Variants in CLSTN2 observed in about 807,000 individuals in gnomAD.
CLSTN2 encodes calsyntenin-2.
Under a neutral mutation model 101.2 loss-of-function variants are expected in CLSTN2, and 48 were observed. The observed-to-expected ratio is 0.47, with a 90% CI of 0.38 to 0.60. CLSTN2 has a LOEUF of 0.60. Ranked by LOEUF, CLSTN2 falls within the 20% of genes least tolerant of loss-of-function variation. CLSTN2 has a pLI of 0.00. For missense variants in CLSTN2, 1,160 were observed against 1,238.2 expected (o/e 0.94, Z 0.95); for synonymous variants, 481 against 463.6 (o/e 1.04, Z -0.48).
At chr3:140,236,601 T>A (rs1342012181) in intron 2 of CLSTN2, among the ~76,000 whole-genome samples, 1 of 152,184 alleles carries the variant, frequency 6.6e-6, no homozygotes, top group Non-Finnish European at 1.5e-5. Context: ...CAGTTATATG[T>A]ATGTTAGGCT....
chr3:140,412,157 C>T (rs1007755140), intron 4 of CLSTN2, among the ~76,000 whole-genome samples: 5 of 152,140 alleles, frequency 3.3e-5, no homozygotes, highest in African/African-American at 9.7e-5. Context: ...CTGGGATTAA[C>T]AGCATGCGCC....
chr3:140,560,794 G>C (rs144924126), intron 12 of CLSTN2, among the ~76,000 whole-genome samples: 5 of 152,210 alleles, frequency 3.3e-5, no homozygotes, highest in Non-Finnish European at 7.4e-5. Flanking sequence ...AGGACGATAT[G>C]ACCAGACCTG....
At chr3:140,099,885 T>C (rs907669889) in intron 1 of CLSTN2, among the ~76,000 whole-genome samples, 3 of 152,164 alleles carry the variant, frequency 2.0e-5, no homozygotes, top group African/African-American at 7.2e-5. Flanking sequence ...TTGGCCAGGC[T>C]CTGGGTCACC....
intron 2 of CLSTN2, among the ~76,000 whole-genome samples, chr3:140,231,595 A>T (rs1206493112): frequency 6.6e-6 from 1 of 152,166 alleles, no homozygotes; most frequent in Non-Finnish European, 1.5e-5. Context: ...AGAGGCCTGT[A>T]TTCCTCTCAA....
chr3:140,317,356 T>C (rs986184079), intron 2 of CLSTN2, among the ~76,000 whole-genome samples: 2 of 152,110 alleles, frequency 1.3e-5, no homozygotes, highest in Non-Finnish European at 2.9e-5. Context: ...CAACCTCAGC[T>C]GCAAAGACCA....
chr3:140,345,819 C>G (rs1188523931), intron 2 of CLSTN2, among the ~76,000 whole-genome samples: 1 of 152,076 alleles, frequency 6.6e-6, no homozygotes, highest in African/African-American at 2.4e-5. Context: ...GAGATGGGAA[C>G]GTATATGTTT....
chr3:140,164,635 C>T (rs1459451673), intron 1 of CLSTN2, among the ~76,000 whole-genome samples: 1 of 152,184 alleles, frequency 6.6e-6, no homozygotes, highest in African/African-American at 2.4e-5. Context: ...GAACTTTGGC[C>T]AGTTGGCTTG....
At chr3:140,243,359 G>A (rs1382867935) in intron 2 of CLSTN2, among the ~76,000 whole-genome samples, 1 of 152,216 alleles carries the variant, frequency 6.6e-6, no homozygotes, top group Non-Finnish European at 1.5e-5. Flanking sequence ...TAAATGATAA[G>A]TCAGTAATGG....
Position 140,072,925 on chromosome 3 carries a change from C to T in CLSTN2, c.110-103026C>T, listed in dbSNP as rs549490318. Among the ~76,000 whole-genome samples, 196 of 152,282 alleles carry T rather than the reference C, an allele frequency of 1.3e-3. 1 individual carries two copies. The South Asian group carries it at 0.017, about 13-fold the overall frequency. On this transcript the variant is annotated intron_variant, in intron 1 of 16. Coordinates refer to ENST00000458420, the MANE Select transcript of CLSTN2 (RefSeq NM_022131.3). ...ACTGCTACGGAGATTGTTTGAGTTC[C>T]GCTTCTTGCTTATTCTACCCGGAGG...
At chr3:140,342,790 T>C (rs1237266984) in intron 2 of CLSTN2, among the ~76,000 whole-genome samples, 1 of 152,096 alleles carries the variant, frequency 6.6e-6, no homozygotes, top group Admixed American at 6.5e-5. Context: ...CTGGCTGTCA[T>C]CTGGAACAAA....
chr3:140,514,988 T>C lies in CLSTN2; in HGVS notation c.1345-17336T>C, dbSNP rs78205090. Among the ~76,000 whole-genome samples the C allele has an allele frequency of 8.1e-3, 1,233 of 152,300 alleles. 22 individuals carry two copies. The highest frequency in any genetic ancestry group is 0.028 in the African/African-American group (1,159 of 41,572). ...TTGAAAGTCTGATAAAATTCAGCTA[T>C]GAATCTATTTGGTCCTGGACTTTTT... On this transcript the variant is annotated intron_variant, in intron 8 of 16. Coordinates refer to ENST00000458420, the MANE Select transcript of CLSTN2 (RefSeq NM_022131.3).
chr3:140,033,485 G>A (rs1473240251), intron 1 of CLSTN2, among the ~76,000 whole-genome samples: 2 of 152,134 alleles, frequency 1.3e-5, no homozygotes, highest in Non-Finnish European at 2.9e-5. Flanking sequence ...CTCCCCAGAG[G>A]CCATTAGCAC....
intron 16 of CLSTN2, 88 bp from the exon 17 acceptor site, chr3:140,565,965 G>A (rs1936016542): frequency 1.1e-5 from 17 of 1,536,138 alleles, no homozygotes; most frequent in African/African-American, 1.4e-5. Context: ...GGCCGTAAAT[G>A]TTTCCTTAAT....
chr3:140,187,279 G>C (rs1240050107), intron 2 of CLSTN2, among the ~76,000 whole-genome samples: 1 of 152,092 alleles, frequency 6.6e-6, no homozygotes. Flanking sequence ...CATACCACTG[G>C]GGTGTATGCT....
intron 2 of CLSTN2, among the ~76,000 whole-genome samples, chr3:140,363,396 T>A (rs2087749715): frequency 6.6e-6 from 1 of 152,224 alleles, no homozygotes; most frequent in Non-Finnish European, 1.5e-5. Context: ...AGAAATGTTC[T>A]AAAATTGGAT....
At position 140,475,743 on chromosome 3, in the gene CLSTN2, T is replaced by C. The variant is rs1933970080; in HGVS notation, c.1344+9012T>C. Among the ~76,000 whole-genome samples the C allele has an allele frequency of 3.3e-5, 5 of 152,350 alleles. No homozygotes were observed. The South Asian group carries it at 1.0e-3, about 32-fold the overall frequency. On this transcript the variant is annotated intron_variant, in intron 8 of 16. Coordinates refer to ENST00000458420, the MANE Select transcript of CLSTN2 (RefSeq NM_022131.3). ...TTCCTGAGGAGCACCTGCTCAGCAA[T>C]TCCGTTTGCTTCTGTAAAATCATTA...
chr3:140,555,820 A>C (rs959366153), intron 10 of CLSTN2, among the ~76,000 whole-genome samples: 44 of 152,258 alleles, frequency 2.9e-4, no homozygotes, highest in African/African-American at 9.9e-4. Context: ...CAGCTTGAGT[A>C]CCCAAGTGAC....
At chr3:140,418,501 CTTTCTTTCTTTCTTTCT>C (rs1290185107) in intron 4 of CLSTN2, among the ~76,000 whole-genome samples, 6 of 90,020 alleles carry the variant, frequency 6.7e-5, no homozygotes, top group African/African-American at 6.1e-4. Context: ...TTCTTTCTTT[CTTTCTTTCTTTCTTTCT>C]TTTTTTTTTT....
At chr3:139,996,655 T>G (rs1169230092) in intron 1 of CLSTN2, among the ~76,000 whole-genome samples, 2 of 152,246 alleles carry the variant, frequency 1.3e-5, no homozygotes, top group Admixed American at 1.3e-4. Context: ...TCCAACTGAA[T>G]GAATTCTCAT....
Sources: gnomAD v4.1 joint callset for allele counts (sites outside exome capture counted in the v4.1 genomes callset) on GRCh38, gnomAD v4.1.1 for gene constraint, MANE v1.5 for transcripts, NCBI Gene and HGNC (gene_info 2026-07-23, HGNC 2026-07-21) for gene names.